The following LINGO2 variants were observed in gnomAD, a reference collection of about 807,000 sequenced individuals.
LINGO2 encodes leucine rich repeat and Ig domain containing 2.
Under a neutral mutation model 30.6 loss-of-function variants are expected in LINGO2, and 14 were observed. The ratio of observed to expected loss-of-function variants is 0.46; its 90% CI spans 0.30 to 0.72. The LOEUF is 0.72. Among genes scored for constraint, LINGO2 ranks in the 30% least tolerant of loss-of-function variants. The pLI is 0.07. For missense variants in LINGO2, 729 were observed against 751.7 expected (o/e 0.97, Z 0.35); for synonymous variants, 317 against 288.5 (o/e 1.10, Z -1.00).
At chr9:28,555,705 T>A (rs1445266510) in intron 1 of LINGO2, among the ~76,000 whole-genome samples, 1 of 151,892 alleles carries the variant, frequency 6.6e-6, no homozygotes. Context: ...AAAAGCGAAT[T>A]TTAGACCAAT....
chr9:28,693,255 A>G, the LINGO2 span, among the ~76,000 whole-genome samples: 1 of 152,148 alleles, frequency 6.6e-6, no homozygotes, highest in South Asian at 2.1e-4. Context: ...AACATACGAA[A>G]TGATAGAAAT....
the LINGO2 span, among the ~76,000 whole-genome samples, chr9:29,212,725 G>C: frequency 1.3e-5 from 2 of 152,216 alleles, no homozygotes. Context: ...TGTGAGGACA[G>C]GACACTCCTC....
At chr9:28,017,651 C>T (rs1285255796) in intron 4 of LINGO2, among the ~76,000 whole-genome samples, 1 of 152,060 alleles carries the variant, frequency 6.6e-6, no homozygotes, top group Non-Finnish European at 1.5e-5. Context: ...TACAGCTAAT[C>T]AGGGAGGTTG....
the LINGO2 span, among the ~76,000 whole-genome samples, chr9:28,678,490 C>T: frequency 2.6e-5 from 4 of 152,096 alleles, no homozygotes; most frequent in Admixed American, 6.6e-5. Context: ...AGAGTGGTTT[C>T]GAGCGCAAGA....
chr9:28,309,594 A>G (rs1173279561), intron 3 of LINGO2, among the ~76,000 whole-genome samples: 2 of 152,102 alleles, frequency 1.3e-5, no homozygotes, highest in African/African-American at 4.8e-5. Flanking sequence ...ATAATAAAAA[A>G]AAACAAAACA....
chr9:29,165,765 C>A, the LINGO2 span, among the ~76,000 whole-genome samples: 1 of 151,834 alleles, frequency 6.6e-6, no homozygotes, highest in Non-Finnish European at 1.5e-5. Context: ...AAAAACTGAT[C>A]GGGCAAAAGA....
At chr9:28,921,941 A>G in the LINGO2 span, among the ~76,000 whole-genome samples, 3 of 152,146 alleles carry the variant, frequency 2.0e-5, no homozygotes. Context: ...CACCTTAGCT[A>G]AAATCTCAGC....
intron 3 of LINGO2, among the ~76,000 whole-genome samples, chr9:28,348,405 C>A (rs112060417): frequency 6.6e-6 from 1 of 151,938 alleles, no homozygotes; most frequent in Non-Finnish European, 1.5e-5. Flanking sequence ...CCTGGAAAAT[C>A]GGGTCACTCC....
the LINGO2 span, among the ~76,000 whole-genome samples, chr9:29,181,064 A>G: frequency 1.3e-5 from 2 of 152,238 alleles, no homozygotes; most frequent in Non-Finnish European, 2.9e-5. Context: ...CACAGTGGGA[A>G]AGTAACTGCT....
chr9:28,343,680 C>G (rs1381386750), intron 3 of LINGO2, among the ~76,000 whole-genome samples: 1 of 152,068 alleles, frequency 6.6e-6, no homozygotes, highest in African/African-American at 2.4e-5. Flanking sequence ...ACTCAGGTAC[C>G]TGAATTCTTG....
chr9:28,096,441 T>C (rs973866379), intron 4 of LINGO2, among the ~76,000 whole-genome samples: 2 of 152,176 alleles, frequency 1.3e-5, no homozygotes, highest in African/African-American at 4.8e-5. Flanking sequence ...ACATGGAAGA[T>C]CTCATATAAA....
At chr9:27,974,278 C>G (rs1820490064) in intron 5 of LINGO2, among the ~76,000 whole-genome samples, 1 of 152,118 alleles carries the variant, frequency 6.6e-6, no homozygotes, top group Non-Finnish European at 1.5e-5. Context: ...GATGGGTCCT[C>G]TCTACTCTTC....
chr9:28,313,378 C>T (rs1824707219), intron 3 of LINGO2, among the ~76,000 whole-genome samples: 1 of 152,082 alleles, frequency 6.6e-6, no homozygotes, highest in African/African-American at 2.4e-5. Flanking sequence ...GGTTTTGGTA[C>T]TTGGTGTTAG....
intron 3 of LINGO2, among the ~76,000 whole-genome samples, chr9:28,308,711 C>T (rs1824475873): frequency 6.6e-6 from 1 of 150,904 alleles, no homozygotes; most frequent in South Asian, 2.1e-4. Context: ...CCAGAATCTA[C>T]AATGAACTCA....
At chr9:29,188,898 T>G in the LINGO2 span, among the ~76,000 whole-genome samples, 1 of 137,332 alleles carries the variant, frequency 7.3e-6, no homozygotes, top group African/African-American at 2.7e-5. Context: ...CACTTCCCAG[T>G]AGGGGTGGCC....
At chr9:28,854,027 C>A in the LINGO2 span, among the ~76,000 whole-genome samples, 8 of 151,998 alleles carry the variant, frequency 5.3e-5, no homozygotes, top group Non-Finnish European at 1.2e-4. Context: ...AATTAAAATT[C>A]TCCCCATAGA....
At chr9:28,435,902 C>A (rs1393740177) in intron 2 of LINGO2, among the ~76,000 whole-genome samples, 4 of 152,080 alleles carry the variant, frequency 2.6e-5, no homozygotes, top group Non-Finnish European at 5.9e-5. Context: ...GCACTGGGGA[C>A]GTGAGATTTT....
the LINGO2 span, among the ~76,000 whole-genome samples, chr9:28,822,479 G>A: frequency 6.6e-6 from 1 of 152,290 alleles, no homozygotes; most frequent in Middle Eastern, 3.4e-3. Flanking sequence ...TGTCTGTGAG[G>A]GTGTTGCCAA....
At chr9:28,737,151 ATCT>A in the LINGO2 span, among the ~76,000 whole-genome samples, 2 of 152,198 alleles carry the variant, frequency 1.3e-5, no homozygotes, top group African/African-American at 2.4e-5. Context: ...GAGATGTCAC[ATCT>A]TCTTGAATAG....
Sources: gnomAD v4.1 joint callset for allele counts (sites outside exome capture counted in the v4.1 genomes callset) on GRCh38, gnomAD v4.1.1 for gene constraint, MANE v1.5 for transcripts, NCBI Gene and HGNC (gene_info 2026-07-23, HGNC 2026-07-21) for gene names.